The following HEATR4 variants were observed in gnomAD, a reference collection of about 807,000 sequenced individuals.
The protein encoded by HEATR4 is HEAT repeat containing 4.
HEATR4 carries 95 observed loss-of-function variants against 108.8 expected under a neutral mutation model. That is an observed-to-expected ratio of 0.87 (90% CI 0.74 to 1.04). The LOEUF is 1.04. HEATR4 is among the 50% of genes least tolerant of loss of function. HEATR4 has a pLI of 0.00. For missense variants in HEATR4, 1,152 were observed against 1,253.8 expected (o/e 0.92, Z 1.23); for synonymous variants, 443 against 459.4 (o/e 0.96, Z 0.46).
the HEATR4 span, among the ~76,000 whole-genome samples, chr14:73,583,115 G>C: frequency 6.6e-6 from 1 of 151,888 alleles, no homozygotes; most frequent in African/African-American, 2.4e-5. Flanking sequence ...AGGCCGAGGC[G>C]GGCGGATCAC....
chr14:73,533,570 C>T (rs2878568), intron 1 of HEATR4, among the ~76,000 whole-genome samples: 57,770 of 111,038 alleles, frequency 0.52, 22,985 homozygotes, highest in African/African-American at 0.61. Flanking sequence ...TCCCAGCTAC[C>T]TGGGAGGCTG....
upstream of HEATR4, among the ~76,000 whole-genome samples, chr14:73,561,749 C>T (rs4903126): frequency 0.068 from 10,374 of 151,912 alleles, 427 homozygotes; most frequent in Middle Eastern, 0.099. Flanking sequence ...TTTGGGAGGC[C>T]GAGGTAGGAA....
chr14:73,572,487 GTGGTAA>G, the HEATR4 span, among the ~76,000 whole-genome samples: 2 of 151,716 alleles, frequency 1.3e-5, no homozygotes, highest in African/African-American at 4.8e-5. Context: ...CATAATCTAA[GTGGTAA>G]TACTATGAAG....
At chr14:73,602,141 A>G in the HEATR4 span, among the ~76,000 whole-genome samples, 2 of 152,020 alleles carry the variant, frequency 1.3e-5, no homozygotes, top group Non-Finnish European at 2.9e-5. Context: ...AGGTTTCACT[A>G]TGTTGGCCAG....
At chr14:73,619,395 A>G in the HEATR4 span, 3 of 1,614,176 alleles carry the variant, frequency 1.9e-6, no homozygotes, top group African/African-American at 2.7e-5. Context: ...TTATTCCTAA[A>G]CTTGTCGATG....
the HEATR4 span, among the ~76,000 whole-genome samples, chr14:73,586,183 C>T: frequency 6.6e-6 from 1 of 151,780 alleles, no homozygotes; most frequent in Non-Finnish European, 1.5e-5. Flanking sequence ...CACCTGAGGT[C>T]GGGAGTTCAA....
intron 14 of HEATR4, among the ~76,000 whole-genome samples, chr14:73,497,903 G>A (rs779069555): frequency 3.3e-5 from 5 of 152,214 alleles, no homozygotes; most frequent in Non-Finnish European, 7.3e-5. Context: ...TGGGATTACA[G>A]GCGTGAGTCA....
At chr14:73,586,905 C>G in the HEATR4 span, among the ~76,000 whole-genome samples, 1 of 152,026 alleles carries the variant, frequency 6.6e-6, no homozygotes, top group Non-Finnish European at 1.5e-5. Context: ...GAGTCTTGCT[C>G]TGTTGCCCAG....
At chr14:73,573,265 C>G in the HEATR4 span, 1 of 1,399,954 alleles carries the variant, frequency 7.1e-7, no homozygotes, top group Non-Finnish European at 1.0e-6. Context: ...TTTCATTTCT[C>G]GTGGGTAGAT....
At chr14:73,568,307 A>G in the HEATR4 span, among the ~76,000 whole-genome samples, 1 of 151,952 alleles carries the variant, frequency 6.6e-6, no homozygotes, top group Non-Finnish European at 1.5e-5. Context: ...AGGAAATTAT[A>G]AAATCAGGTA....
In HEATR4 at chr14:73,506,676, G is replaced by A. The variant is rs1886848615; in HGVS notation, c.1882-105C>T. 1.6e-5 allele frequency: 13 copies of A among 813,534 alleles called. No homozygotes were observed. The South Asian group carries it at 2.0e-4, about 13-fold the overall frequency. The allele number at this position is 813,534 out of a possible 1,614,324, so 50.4% of individuals were successfully genotyped here. ...GCATCCTGCATAATTAATGTCACCA[G>A]TGGGCTTACAAGAGATGGGGCATGT... On this transcript the variant is annotated intron_variant, in intron 9 of 17. Transcript: ENST00000553558.
the HEATR4 span, among the ~76,000 whole-genome samples, chr14:73,589,396 T>A: frequency 1.3e-5 from 2 of 152,176 alleles, no homozygotes; most frequent in Admixed American, 1.3e-4. Flanking sequence ...CTCAGCTTAC[T>A]GCAACCTCTG....
chr14:73,559,036 T>C (rs1167883777), upstream of HEATR4: 7 of 152,002 alleles, frequency 4.6e-5, no homozygotes, highest in South Asian at 6.2e-4. Context: ...CGGGGGTATA[T>C]CTTCAACCAT....
At position 73,496,682 on chromosome 14, in the gene HEATR4, GA is replaced by G; in HGVS notation, c.2547-4del. On this transcript the variant is annotated splice_polypyrimidine_tract_variant and splice_region_variant and intron_variant, in intron 14 of 17. Coordinates refer to ENST00000553558, the MANE Select transcript of HEATR4 (RefSeq NM_001220484.1). ...TCTTCATTGTCTGGTACATTTCTCT[GA>G]AAGATAAGAAGGGCTTCTTAGATTA... 1 of 1,485,188 alleles carries G rather than the reference GA, an allele frequency of 6.7e-7. No individual in the cohort carries two copies. The highest frequency in any genetic ancestry group is 9.4e-7 in the Non-Finnish European group (1 of 1,063,788). 92.0% of individuals were successfully genotyped at this position (1,485,188 alleles called of 1,614,324 possible). A position where few individuals can be genotyped will look rare whatever the true frequency, so the allele number is the denominator to read the frequency against.
the HEATR4 span, among the ~76,000 whole-genome samples, chr14:73,621,190 G>C: frequency 6.6e-6 from 1 of 151,440 alleles, no homozygotes; most frequent in Non-Finnish European, 1.5e-5. Context: ...TCCAGCCTGG[G>C]CAACAAGAGC....
At position 73,547,976 on chromosome 14, in the gene HEATR4, G is replaced by A. The variant is rs1354099200; in HGVS notation, c.-152+10775C>T. On this transcript the variant is annotated intron_variant, in intron 1 of 17. Coordinates refer to ENST00000553558, the MANE Select transcript of HEATR4 (RefSeq NM_001220484.1). ...TAAGAGACAGGCTCTGGCCAGGCTG[G>A]AGTGCAGTGGTGCCATCATAGCTCA... 1.7e-5 allele frequency among the ~76,000 whole-genome samples: 2 copies of A among 115,246 alleles called. 1 individual carries two copies. Among genetic ancestry groups the A allele is most frequent in the Non-Finnish European group, 3.8e-5 (2 of 52,682 alleles). The allele number at this position is 115,246 out of a possible 152,430, so 75.6% of individuals were successfully genotyped here.
intron 7 of HEATR4, among the ~76,000 whole-genome samples, chr14:73,511,451 G>A (rs1484473780): frequency 6.6e-6 from 1 of 151,704 alleles, no homozygotes; most frequent in Non-Finnish European, 1.5e-5. Flanking sequence ...CCTGGGAGGT[G>A]GAGGTTGCAG....
At chr14:73,579,098 A>AAG in the HEATR4 span, among the ~76,000 whole-genome samples, 1 of 150,212 alleles carries the variant, frequency 6.7e-6, no homozygotes, top group Non-Finnish European at 1.5e-5. Flanking sequence ...AAAGAAAAAA[A>AAG]AAAAAAAAAC....
the HEATR4 span, among the ~76,000 whole-genome samples, chr14:73,570,249 G>T: frequency 6.6e-6 from 1 of 151,702 alleles, no homozygotes; most frequent in African/African-American, 2.4e-5. Flanking sequence ...AAACTGAGAG[G>T]TCCCTCAAAC....
Sources: allele counts gnomAD v4.1 joint callset (sites outside exome capture counted in the v4.1 genomes callset), GRCh38; gene constraint gnomAD v4.1.1; transcripts MANE v1.5; gene names NCBI Gene and HGNC (gene_info 2026-07-23, HGNC 2026-07-21).